The following PCDHA3 variants were observed in gnomAD, a reference collection of about 807,000 sequenced individuals.
PCDHA3 encodes protocadherin alpha 3.
A neutral mutation model predicts 62.2 loss-of-function variants in PCDHA3; 41 were observed. That is an observed-to-expected ratio of 0.66 (90% CI 0.51 to 0.86). PCDHA3 has a LOEUF of 0.86. PCDHA3 is among the 40% of genes least tolerant of loss of function. PCDHA3 has a pLI of 0.00. For missense variants in PCDHA3, 1,304 were observed against 1,241.2 expected, an observed-to-expected ratio of 1.05 and a Z score of -0.76; for synonymous variants, 640 against 555.4, an observed-to-expected ratio of 1.15 and a Z score of -2.14.
intron 1 of PCDHA3, among the ~76,000 whole-genome samples, chr5:140,914,820 C>T (rs1277610128): frequency 6.6e-6 from 1 of 151,970 alleles, no homozygotes; most frequent in African/African-American, 2.4e-5. Flanking sequence ...TAACAGACTG[C>T]ATAAACAAAA....
intron 1 of PCDHA3, chr5:140,877,716 G>A: frequency 6.2e-7 from 1 of 1,614,116 alleles, no homozygotes; most frequent in Non-Finnish European, 8.5e-7. Context: ...TGGGGAGTTG[G>A]TCTTACTCGC....
chr5:140,823,434 C>A (rs2150125798), intron 1 of PCDHA3: 11 of 1,613,238 alleles, frequency 6.8e-6, no homozygotes, highest in Non-Finnish European at 9.3e-6. Context: ...TGCAGGTGTT[C>A]GTGCTGGACG....
intron 1 of PCDHA3, chr5:140,809,212 G>T (rs781882644): frequency 2.5e-6 from 4 of 1,614,036 alleles, no homozygotes; most frequent in South Asian, 1.1e-5. Flanking sequence ...GTGGACAGGC[G>T]CCAAAGGCCT....
At chr5:140,878,103 G>A (rs2153358436) in intron 1 of PCDHA3, 1 of 261,846 alleles carries the variant, frequency 3.8e-6, no homozygotes, top group East Asian at 7.9e-5. Context: ...GATGAACCTT[G>A]AAAAAAACAG....
chr5:140,908,142 A>T (rs1371459142), intron 1 of PCDHA3, among the ~76,000 whole-genome samples: 1 of 152,158 alleles, frequency 6.6e-6, no homozygotes, highest in East Asian at 1.9e-4. Context: ...TCCTTCAGGT[A>T]TGTCCTAGGA....
chr5:140,822,533 A>G, intron 1 of PCDHA3: 1 of 1,613,982 alleles, frequency 6.2e-7, no homozygotes, highest in Non-Finnish European at 8.5e-7. Context: ...TTGTTGGAAA[A>G]TGCACCAAGT....
intron 1 of PCDHA3, among the ~76,000 whole-genome samples, chr5:140,889,687 T>C (rs1190333599): frequency 1.3e-5 from 2 of 152,198 alleles, no homozygotes; most frequent in African/African-American, 4.8e-5. Context: ...AACCTTTTAG[T>C]ATTATGGGCA....
intron 1 of PCDHA3, among the ~76,000 whole-genome samples, chr5:140,897,060 A>G (rs2153455161): frequency 6.6e-6 from 1 of 152,068 alleles, no homozygotes; most frequent in East Asian, 1.9e-4. Flanking sequence ...GTCAAATACT[A>G]TGTCTTATTC....
At chr5:140,856,545 T>C in intron 1 of PCDHA3, 1 of 1,598,250 alleles carries the variant, frequency 6.3e-7, no homozygotes, top group South Asian at 1.1e-5. Context: ...GAGAACGCAT[T>C]GCTTACTTAC....
intron 1 of PCDHA3, chr5:140,854,171 A>AAAAAC (rs2043016661): frequency 1.5e-5 from 10 of 677,894 alleles, no homozygotes; most frequent in Non-Finnish European, 1.8e-5. Context: ...AAAAAAAAAA[A>AAAAAC]AAAAAGAGTA....
intron 1 of PCDHA3, chr5:140,875,605 G>T (rs782421314): frequency 3.5e-5 from 57 of 1,613,756 alleles, no homozygotes; most frequent in Admixed American, 1.3e-4. Context: ...CGGCACCTTC[G>T]TGGGCCGCAT....
In PCDHA3 at chr5:140,801,184, G is replaced by A. The variant is rs1554121297; in HGVS notation, c.-14G>A. 1.3e-6 allele frequency: 2 copies of A among 1,575,362 alleles called. No individual in the cohort carries two copies. The highest frequency in any genetic ancestry group is 1.7e-6 in the Non-Finnish European group (2 of 1,162,464). Reference sequence around the variant, plus strand: ...TCAATGTAAAGGCAATCTAATATTTGGAAAATACTTGCAATGTTGTTCTCC... The same window carrying A: ...TCAATGTAAAGGCAATCTAATATTTAGAAAATACTTGCAATGTTGTTCTCC... On this transcript the variant is annotated 5_prime_UTR_variant, in exon 1 of 4. Coordinates refer to ENST00000522353, the MANE Select transcript of PCDHA3 (RefSeq NM_018906.3).
intron 1 of PCDHA3, chr5:140,834,405 G>A (rs2150216867): frequency 1.9e-6 from 3 of 1,607,688 alleles, no homozygotes; most frequent in Admixed American, 1.7e-5. Flanking sequence ...GAATGGATAC[G>A]ACCCAGGGGG....
chr5:140,803,773 C>T, intron 1 of PCDHA3, 182 bp downstream of exon 1: 5 of 1,030,338 alleles, frequency 4.9e-6, no homozygotes, highest in Non-Finnish European at 5.5e-6. Context: ...TGAACCAAAT[C>T]AGCAGTAAGT....
intron 1 of PCDHA3, among the ~76,000 whole-genome samples, chr5:140,938,925 CT>C (rs1316558463): frequency 2.0e-5 from 3 of 151,992 alleles, no homozygotes; most frequent in African/African-American, 7.2e-5. Flanking sequence ...AAGAAATTGG[CT>C]TTTAACTTTC....
In PCDHA3 at chr5:140,823,824, G is replaced by T. The variant is rs2150129462; in HGVS notation, c.2394+20233G>T. On this transcript the variant is annotated intron_variant, in intron 1 of 3. Coordinates refer to ENST00000522353, the MANE Select transcript of PCDHA3 (RefSeq NM_018906.3). ...CGAAGGCCTCATCGCGGGCGTCGGC[G>T]GGCGCTGTGGGTCCCGAGGCTGCCC... 71 of 1,613,814 alleles carry T rather than the reference G, an allele frequency of 4.4e-5. No individual in the cohort carries two copies. The Admixed American group carries it at 6.3e-4, about 14-fold the overall frequency.
intron 1 of PCDHA3, among the ~76,000 whole-genome samples, chr5:140,918,353 C>T (rs557694814): frequency 4.6e-5 from 7 of 152,236 alleles, no homozygotes; most frequent in African/African-American, 1.7e-4. Context: ...AGGTTGACTT[C>T]CTCTCTGCCT....
At chr5:140,864,520 C>T (rs1354044181) in intron 1 of PCDHA3, 1 of 152,154 alleles carries the variant, frequency 6.6e-6, no homozygotes, top group Admixed American at 6.5e-5. Context: ...GGTGATTTTA[C>T]TTCTTAATTT....
At chr5:140,857,560 G>T in intron 1 of PCDHA3, 1 of 1,596,914 alleles carries the variant, frequency 6.3e-7, no homozygotes, top group Non-Finnish European at 8.6e-7. Flanking sequence ...GCTCGCTGTC[G>T]AGCTACGTGT....
Sources: allele counts gnomAD v4.1 joint callset (sites outside exome capture counted in the v4.1 genomes callset), GRCh38; gene constraint gnomAD v4.1.1; transcripts MANE v1.5; gene names NCBI Gene and HGNC (gene_info 2026-07-23, HGNC 2026-07-21).